ANKS1B: variants seen among roughly 807,000 people sequenced by gnomAD.
The protein encoded by ANKS1B is ankyrin repeat and sterile alpha motif domain-containing protein 1B.
A neutral mutation model predicts 148.3 loss-of-function variants in ANKS1B; 36 were observed. The ratio of observed to expected loss-of-function variants is 0.24; its 90% CI spans 0.19 to 0.32. ANKS1B has a LOEUF of 0.32. Ranked by LOEUF, ANKS1B falls within the 10% of genes least tolerant of loss-of-function variation. The pLI, the probability that ANKS1B is intolerant of heterozygous loss-of-function variation, is 1.00. For synonymous variants in ANKS1B, 542 were observed against 560.8 expected, an observed-to-expected ratio of 0.97 and a Z score of 0.47; for missense variants, 1,157 against 1,542.6, an observed-to-expected ratio of 0.75 and a Z score of 4.19.
chr12:99,031,878 C>A (rs1402573876), intron 17 of ANKS1B, among the ~76,000 whole-genome samples: 1 of 152,202 alleles, frequency 6.6e-6, no homozygotes, highest in Admixed American at 6.5e-5. Context: ...TAAAAGCATT[C>A]CTAACTGATT....
At position 99,192,769 on chromosome 12, in the gene ANKS1B, A is replaced by C. The variant is rs193000154; in HGVS notation, c.2420-38374T>G. On this transcript the variant is annotated intron_variant, in intron 14 of 26. Transcript: ENST00000683438. ...CATTCTCTAGGTAAACATTATAGGGACTATTATGTAAAAAAATTCCAAATT... is the reference window on the plus strand; with the variant it reads ...CATTCTCTAGGTAAACATTATAGGGCCTATTATGTAAAAAAATTCCAAATT... Among the ~76,000 whole-genome samples, 316 of 152,204 alleles carry C rather than the reference A, an allele frequency of 2.1e-3. 2 individuals carry two copies. The Middle Eastern group carries it at 0.027, about 13-fold the overall frequency.
intron 9 of ANKS1B, among the ~76,000 whole-genome samples, chr12:99,505,345 C>T (rs2096699535): frequency 6.6e-6 from 1 of 151,956 alleles, no homozygotes; most frequent in Non-Finnish European, 1.5e-5. Context: ...CAGTTTGAGC[C>T]ATTGCTAATT....
intron 14 of ANKS1B, among the ~76,000 whole-genome samples, chr12:99,234,079 G>A (rs997572853): frequency 1.3e-4 from 20 of 152,024 alleles, no homozygotes; most frequent in Non-Finnish European, 2.5e-4. Flanking sequence ...ACAAACATAA[G>A]TGTTCAAAAA....
intron 15 of ANKS1B, among the ~76,000 whole-genome samples, chr12:99,092,065 G>A (rs2054196496): frequency 6.6e-6 from 1 of 152,092 alleles, no homozygotes; most frequent in Admixed American, 6.6e-5. Context: ...GAGCTGTCTG[G>A]CCTAATCTTC....
At chr12:99,862,603 T>A (rs1289137198) in intron 1 of ANKS1B, among the ~76,000 whole-genome samples, 1 of 152,242 alleles carries the variant, frequency 6.6e-6, no homozygotes, top group African/African-American at 2.4e-5. Flanking sequence ...TTAATGCAGC[T>A]AAATACTACG....
At position 99,127,748 on chromosome 12, in the gene ANKS1B, G is replaced by A. The variant is rs572347830; in HGVS notation, c.2526+26541C>T. On this transcript the variant is annotated intron_variant, in intron 15 of 26. Coordinates refer to ENST00000683438, the MANE Select transcript of ANKS1B (RefSeq NM_001352186.2). The stretch of plus-strand genomic sequence containing the variant: ...TTGATAATCCCTCACATGGGTGTTG[G>A]GGTGTCTTCAAGGTCTCCAACTCTG... Among the ~76,000 whole-genome samples, 171 of 152,278 alleles carry A rather than the reference G, an allele frequency of 1.1e-3. 1 individual carries two copies. Among genetic ancestry groups the A allele is most frequent in the African/African-American group, 4.0e-3 (166 of 41,560 alleles).
intron 22 of ANKS1B, among the ~76,000 whole-genome samples, chr12:98,787,718 G>A (rs956244614): frequency 2.0e-5 from 3 of 150,720 alleles, no homozygotes; most frequent in Non-Finnish European, 3.0e-5. Flanking sequence ...TCAGGAGTTC[G>A]AGACCAGCCT....
chr12:99,572,496 A>G (rs2097467999), intron 9 of ANKS1B, among the ~76,000 whole-genome samples: 1 of 152,074 alleles, frequency 6.6e-6, no homozygotes, highest in African/African-American at 2.4e-5. Context: ...TTTATATTTC[A>G]AATCAAAACT....
chr12:99,345,886 T>C (rs569596489), intron 12 of ANKS1B, among the ~76,000 whole-genome samples: 3 of 152,120 alleles, frequency 2.0e-5, no homozygotes, highest in African/African-American at 7.2e-5. Context: ...TGTGCACGGA[T>C]AACCTTCACA....
intron 15 of ANKS1B, among the ~76,000 whole-genome samples, chr12:99,143,405 C>T (rs547711661): frequency 2.1e-4 from 32 of 152,186 alleles, no homozygotes; most frequent in African/African-American, 7.0e-4. Flanking sequence ...TCAATGCCTG[C>T]GATGCGCTTG....
intron 1 of ANKS1B, among the ~76,000 whole-genome samples, chr12:99,840,466 G>A (rs1479848791): frequency 6.6e-6 from 1 of 152,100 alleles, no homozygotes; most frequent in Non-Finnish European, 1.5e-5. Context: ...GCTAAGAATA[G>A]TCTGAAGGGG....
rs577956776 is a variant in ANKS1B, at chr12:99,246,969, C to G, written c.1757-105G>C. On this transcript the variant is annotated intron_variant, in intron 12 of 26. Coordinates refer to ENST00000683438, the MANE Select transcript of ANKS1B (RefSeq NM_001352186.2). ...GTGGGCTATCCAAACATTTCATTTA[C>G]TGCTACATAGCAATACCTTCACTTT... 29 of 859,202 alleles carry G rather than the reference C, an allele frequency of 3.4e-5. No individual in the cohort carries two copies. The Admixed American group carries it at 6.9e-4, about 20-fold the overall frequency. 53.2% of individuals were successfully genotyped at this position (859,202 alleles called of 1,614,324 possible). A position where few individuals can be genotyped will look rare whatever the true frequency, so the allele number is the denominator to read the frequency against.
Position 99,197,902 on chromosome 12 carries a change from CAG to C in ANKS1B, c.2420-43509_2420-43508del, listed in dbSNP as rs147278963. 1.1e-4 allele frequency among the ~76,000 whole-genome samples: 17 copies of C among 152,260 alleles called. No individual in the cohort carries two copies. The South Asian group carries it at 2.9e-3, about 26-fold the overall frequency. ...CTTCCAAGTCTATGGTAATTTGTCA[CAG>C]CAATAAGAAGAATTATACAGGCCAT... On this transcript the variant is annotated intron_variant, in intron 14 of 26. Transcript: ENST00000683438.
At chr12:99,364,721 G>A (rs979836003) in intron 12 of ANKS1B, among the ~76,000 whole-genome samples, 4 of 152,104 alleles carry the variant, frequency 2.6e-5, no homozygotes, top group Non-Finnish European at 5.9e-5. Context: ...TTTACTGATG[G>A]TAGTTTTATA....
At chr12:99,227,103 T>C (rs1361605898) in intron 14 of ANKS1B, among the ~76,000 whole-genome samples, 1 of 152,196 alleles carries the variant, frequency 6.6e-6, no homozygotes, top group Non-Finnish European at 1.5e-5. Flanking sequence ...TCCTCAGTGT[T>C]GGAGGTGGGG....
rs117574778 is a variant in ANKS1B, at chr12:99,778,964, C to T, written c.847+907G>A. ...AACCTATCTCACCACCCTCCTCTAT[C>T]ATACTTGCAGCCAATCCATAACAAG... On this transcript the variant is annotated intron_variant, in intron 6 of 26. Coordinates refer to ENST00000683438, the MANE Select transcript of ANKS1B (RefSeq NM_001352186.2). Among the ~76,000 whole-genome samples the T allele has an allele frequency of 1.8e-3, 278 of 152,312 alleles. 13 individuals carry two copies. In the East Asian group the frequency reaches 0.048, roughly 26 times the overall value.
chr12:99,566,090 C>T (rs1434575802), intron 9 of ANKS1B, among the ~76,000 whole-genome samples: 1 of 152,118 alleles, frequency 6.6e-6, no homozygotes, highest in Non-Finnish European at 1.5e-5. Context: ...TTGAGTATGG[C>T]TATTTCTCAA....
At chr12:98,926,830 A>G (rs972570419) in intron 17 of ANKS1B, among the ~76,000 whole-genome samples, 13 of 151,896 alleles carry the variant, frequency 8.6e-5, no homozygotes, top group South Asian at 2.1e-4. Flanking sequence ...AAATAGAAGA[A>G]CAGAGGAAAA....
chr12:99,219,740 T>C (rs1426395361), intron 14 of ANKS1B, among the ~76,000 whole-genome samples: 2 of 152,198 alleles, frequency 1.3e-5, no homozygotes, highest in African/African-American at 2.4e-5. Flanking sequence ...AGGGGTGTGC[T>C]GGGATCTTCC....
Sources: allele counts gnomAD v4.1 joint callset (sites outside exome capture counted in the v4.1 genomes callset), GRCh38; gene constraint gnomAD v4.1.1; transcripts MANE v1.5; gene names NCBI Gene and HGNC (gene_info 2026-07-23, HGNC 2026-07-21).